SECISBP2: variants seen among roughly 807,000 people sequenced by gnomAD.
SECISBP2 encodes the protein selenocysteine insertion sequence-binding protein 2.
SECISBP2 carries 96 observed loss-of-function variants against 98.2 expected under a neutral mutation model. The observed-to-expected ratio is 0.98, with a 90% CI of 0.83 to 1.16. SECISBP2 has a LOEUF of 1.16. Ranked by LOEUF, SECISBP2 falls within the 50% of genes most tolerant of loss-of-function variation. SECISBP2 has a pLI of 0.00. For missense variants in SECISBP2, 1,046 were observed against 1,022.9 expected (o/e 1.02, Z -0.31); for synonymous variants, 407 against 370.2 (o/e 1.10, Z -1.14).
intron 7 of SECISBP2, among the ~76,000 whole-genome samples, chr9:89,336,922 C>T (rs1178328875): frequency 2.0e-5 from 3 of 151,966 alleles, no homozygotes; most frequent in African/African-American, 7.3e-5. Flanking sequence ...CAGGTGCCCG[C>T]CACCATGCCT....
In SECISBP2 at chr9:89,348,059, T is replaced by A. The variant is rs1830694621; in HGVS notation, c.1603-20T>A. 2 of 1,597,806 alleles carry A rather than the reference T, an allele frequency of 1.3e-6. No homozygotes were observed. The highest frequency in any genetic ancestry group is 2.7e-5 in the African/African-American group (2 of 73,742). ...AAGTACAAGTATTTAGGCATTTTAA[T>A]TGTTTATTTAATTTTTAAGATTATT... is the stretch of plus-strand genomic sequence containing the variant. On this transcript the variant is annotated intron_variant, in intron 11 of 16. Coordinates refer to ENST00000375807, the MANE Select transcript of SECISBP2 (RefSeq NM_024077.5).
intron 9 of SECISBP2, among the ~76,000 whole-genome samples, 200 bp downstream of exon 9, chr9:89,340,153 A>G (rs1272447209): frequency 6.6e-6 from 1 of 152,160 alleles, no homozygotes; most frequent in African/African-American, 2.4e-5. Context: ...ATTTGATAAT[A>G]AGACTTATTT....
At chr9:89,338,662 C>G (rs567758846) in intron 8 of SECISBP2, 82 bp downstream of exon 8, 2 of 1,429,380 alleles carry the variant, frequency 1.4e-6, no homozygotes, top group African/African-American at 2.9e-5. Context: ...TATTGGTTTC[C>G]TAAGTGAAAA....
chr9:89,330,602 A>C (rs1317815168), intron 5 of SECISBP2, among the ~76,000 whole-genome samples: 1 of 152,218 alleles, frequency 6.6e-6, no homozygotes, highest in Non-Finnish European at 1.5e-5. Flanking sequence ...AGCAGTTTGC[A>C]TGCAGGACCC....
chr9:89,362,440 ATG>A, downstream of SECISBP2: 1 of 1,613,968 alleles, frequency 6.2e-7, no homozygotes, highest in Non-Finnish European at 8.5e-7. Flanking sequence ...TGAAAGAACA[ATG>A]TGGTCTTTGA....
At chr9:89,334,826 A>C in intron 7 of SECISBP2, 96 bp downstream of exon 7, 1 of 931,288 alleles carries the variant, frequency 1.1e-6, no homozygotes, top group Non-Finnish European at 1.7e-6. Context: ...AGAGAGTTTC[A>C]GTTTTGCTAG....
intron 13 of SECISBP2, 31 bp downstream of exon 13, chr9:89,349,960 G>C (rs763726066): frequency 6.2e-7 from 1 of 1,613,414 alleles, no homozygotes; most frequent in Non-Finnish European, 8.5e-7. Context: ...CAGGGACTAG[G>C]GGAAGATGGA....
At chr9:89,365,689 C>CA in the SECISBP2 span, 2 of 152,268 alleles carry the variant, frequency 1.3e-5, no homozygotes, top group Admixed American at 6.5e-5. Context: ...TACCTGCACA[C>CA]ACAAAAACTG....
At chr9:89,355,232 CAGT>C in intron 14 of SECISBP2, 1 of 985,394 alleles carries the variant, frequency 1.0e-6, no homozygotes, top group Non-Finnish European at 1.2e-6. Flanking sequence ...TAATTGTAAA[CAGT>C]TGTTGTTTTT....
rs748435702 is a variant in SECISBP2, at chr9:89,350,626, T to C, written c.1893-6T>C. On this transcript the variant is annotated splice_region_variant and splice_polypyrimidine_tract_variant and intron_variant, in intron 13 of 16. Transcript: ENST00000375807. ...CACAATTCCTGATGTCTGATGTTTC[T>C]TTCAGTTACTGCAGCCAGATGCTTA... is the stretch of plus-strand genomic sequence containing the variant. The C allele has an allele frequency of 1.2e-5, 20 of 1,613,136 alleles. No individual in the cohort carries two copies. The highest frequency in any genetic ancestry group is 3.3e-4 in the Middle Eastern group (2 of 6,044).
chr9:89,321,085 G>A (rs1365469317), intron 2 of SECISBP2, among the ~76,000 whole-genome samples: 1 of 152,178 alleles, frequency 6.6e-6, no homozygotes, highest in Non-Finnish European at 1.5e-5. Flanking sequence ...ACCTTTATAT[G>A]CTGGAATTTG....
In SECISBP2 at chr9:89,346,927, G is replaced by C. The variant is rs751084954; in HGVS notation, c.1481G>C (p.Arg494Thr). 2.5e-6 allele frequency: 4 copies of C among 1,614,148 alleles called. No individual in the cohort carries two copies. The East Asian group carries it at 8.9e-5, about 36-fold the overall frequency. The change falls in exon 11 of 17, where the codon AGA (arginine) becomes ACA (threonine). Residue 494 changes from arginine (R) to threonine (T), a missense_variant. Physicochemically the swap from Arg to Thr is moderately conservative, Grantham distance 71. Coordinates refer to ENST00000375807, the MANE Select transcript of SECISBP2 (RefSeq NM_024077.5). ...TCCAAAGAATGTGCATCAGGGGAGA[G>C]AGGCCGCCGCATGAGTCAAATGAAG... ...VLSKECASGERGRRMSQMKTP... is the reference protein window; with the variant it reads ...VLSKECASGETGRRMSQMKTP...
the SECISBP2 span, chr9:89,364,722 C>G: frequency 6.6e-4 from 101 of 152,832 alleles, no homozygotes; most frequent in South Asian, 0.012. Flanking sequence ...CCATCTGTTG[C>G]AACCTGCCAG....
intron 7 of SECISBP2, among the ~76,000 whole-genome samples, chr9:89,335,075 G>T (rs1183985730): frequency 2.0e-5 from 3 of 151,962 alleles, no homozygotes; most frequent in African/African-American, 7.2e-5. Flanking sequence ...AATTACCTGG[G>T]CATGGTGGCG....
At chr9:89,328,259 G>C (rs1299193949) in intron 4 of SECISBP2, among the ~76,000 whole-genome samples, 3 of 152,194 alleles carry the variant, frequency 2.0e-5, no homozygotes, top group Non-Finnish European at 4.4e-5. Flanking sequence ...CAGTAGGTTT[G>C]TTTACACTGG....
At chr9:89,321,607 A>C (rs1831556504) in intron 2 of SECISBP2, among the ~76,000 whole-genome samples, 1 of 152,268 alleles carries the variant, frequency 6.6e-6, no homozygotes, top group Non-Finnish European at 1.5e-5. Flanking sequence ...TGGAGGTTGC[A>C]GTGAGCCAAG....
chr9:89,350,027 C>T, intron 13 of SECISBP2, 98 bp downstream of exon 13: 2 of 1,432,592 alleles, frequency 1.4e-6, no homozygotes, highest in South Asian at 1.2e-5. Context: ...TGCTGGGCCA[C>T]ACTGTGCTTT....
chr9:89,351,044 G>A (rs1201616171), intron 14 of SECISBP2, among the ~76,000 whole-genome samples, 192 bp downstream of exon 14: 1 of 152,216 alleles, frequency 6.6e-6, no homozygotes, highest in Non-Finnish European at 1.5e-5. Flanking sequence ...CCTCTGTAGG[G>A]CAGGTGGGTC....
intron 2 of SECISBP2, chr9:89,324,805 A>G (rs1010022519): frequency 6.5e-6 from 1 of 153,120 alleles, no homozygotes; most frequent in African/African-American, 2.4e-5. Context: ...CTTGTATCAA[A>G]TTGGCTAAAA....
Sources: gnomAD v4.1 joint callset for allele counts (sites outside exome capture counted in the v4.1 genomes callset) on GRCh38, gnomAD v4.1.1 for gene constraint, MANE v1.5 for transcripts, NCBI Gene and HGNC (gene_info 2026-07-23, HGNC 2026-07-21) for gene names.